Variants in MYO16 observed in about 807,000 individuals in gnomAD.
The protein encoded by MYO16 is myosin XVI.
MYO16 carries 94 observed loss-of-function variants against 205.3 expected under a neutral mutation model. The ratio of observed to expected loss-of-function variants is 0.46; its 90% CI spans 0.39 to 0.54. The LOEUF (loss-of-function observed/expected upper bound fraction) is 0.54. Ranked by LOEUF, MYO16 falls within the 20% of genes least tolerant of loss-of-function variation. MYO16 has a pLI of 0.00. For missense variants in MYO16, 2,315 were observed against 2,387.5 expected (o/e 0.97, Z 0.63); for synonymous variants, 988 against 954.0 (o/e 1.04, Z -0.66).
intron 4 of MYO16, among the ~76,000 whole-genome samples, chr13:108,730,268 A>G (rs1253042454): frequency 6.6e-6 from 1 of 151,996 alleles, no homozygotes; most frequent in African/African-American, 2.4e-5. Context: ...GGCTCTCATT[A>G]TTTCTCCTGC....
At chr13:109,144,363 T>C (rs1877234493) in intron 32 of MYO16, among the ~76,000 whole-genome samples, 1 of 152,152 alleles carries the variant, frequency 6.6e-6, no homozygotes. Context: ...AGTTTACAAG[T>C]TCGGATATCA....
intron 11 of MYO16, among the ~76,000 whole-genome samples, chr13:108,858,383 A>G (rs1259920119): frequency 6.6e-6 from 1 of 152,210 alleles, no homozygotes; most frequent in East Asian, 1.9e-4. Context: ...CTCAAAATTC[A>G]AATACCCGAA....
At chr13:109,052,524 A>T in intron 25 of MYO16, 49 bp downstream of exon 25, 1 of 1,392,048 alleles carries the variant, frequency 7.2e-7, no homozygotes. Context: ...TTTGATAAGT[A>T]TATTTGCTTC....
At chr13:108,686,593 C>A (rs1457756076) in intron 2 of MYO16, among the ~76,000 whole-genome samples, 2 of 152,062 alleles carry the variant, frequency 1.3e-5, no homozygotes, top group Non-Finnish European at 2.9e-5. Flanking sequence ...TTCAGAGTCA[C>A]AAAAAGAGAC....
At chr13:109,081,742 A>C (rs561398783) in intron 27 of MYO16, among the ~76,000 whole-genome samples, 1 of 152,332 alleles carries the variant, frequency 6.6e-6, no homozygotes, top group South Asian at 2.1e-4. Context: ...CAGTGGCATA[A>C]GAACAGGTGG....
chr13:108,864,481 A>G (rs1452687088), intron 11 of MYO16, among the ~76,000 whole-genome samples: 1 of 152,114 alleles, frequency 6.6e-6, no homozygotes, highest in East Asian at 1.9e-4. Flanking sequence ...CTATTTTAAA[A>G]TTGTATATTT....
At chr13:108,897,883 T>C in intron 14 of MYO16, 133 bp from the exon 15 acceptor site, 1 of 720,862 alleles carries the variant, frequency 1.4e-6, no homozygotes, top group East Asian at 2.6e-5. Flanking sequence ...TCTTAAAAAT[T>C]CAATATAGCA....
rs141620454 is a variant in MYO16 at position 108,894,566 on chromosome 13, G to A, written c.1660-3450G>A. ...AGATTCAGTTGGTAACATCTAGTAA[G>A]TGAGAGAGTGCAGCATTGAGGTCCA... On this transcript the variant is annotated intron_variant, in intron 14 of 34. Transcript: ENST00000457511. Among the ~76,000 whole-genome samples, 364 of 152,308 alleles carry A rather than the reference G, an allele frequency of 2.4e-3. 3 individuals are homozygous for A. Among genetic ancestry groups the A allele is most frequent in the African/African-American group, 8.2e-3 (340 of 41,564 alleles).
At chr13:108,560,826 C>G in the MYO16 span, among the ~76,000 whole-genome samples, 13 of 152,034 alleles carry the variant, frequency 8.6e-5, no homozygotes, top group Non-Finnish European at 1.8e-4. Context: ...ATAAAAATAA[C>G]CAAGTTTTAA....
intron 9 of MYO16, among the ~76,000 whole-genome samples, chr13:108,834,815 A>C (rs776627414): frequency 2.6e-5 from 4 of 151,982 alleles, no homozygotes; most frequent in Non-Finnish European, 5.9e-5. Flanking sequence ...AACAAATAGC[A>C]TTTTACTATG....
At chr13:108,656,112 G>A (rs1006883193) in intron 1 of MYO16, among the ~76,000 whole-genome samples, 1 of 152,080 alleles carries the variant, frequency 6.6e-6, no homozygotes, top group African/African-American at 2.4e-5. Flanking sequence ...GGGGCAGAAT[G>A]ATATGGTTTG....
At chr13:108,547,577 G>A in the MYO16 span, among the ~76,000 whole-genome samples, 16 of 152,160 alleles carry the variant, frequency 1.1e-4, no homozygotes, top group African/African-American at 3.9e-4. Flanking sequence ...TGGATATTTA[G>A]TTAAAATTTA....
intron 14 of MYO16, among the ~76,000 whole-genome samples, chr13:108,894,895 A>G (rs1484462853): frequency 6.6e-6 from 1 of 152,206 alleles, no homozygotes; most frequent in Non-Finnish European, 1.5e-5. Flanking sequence ...GGCATTTTCC[A>G]TGACATTAAA....
chr13:109,044,406 C>T (rs1453031482), intron 23 of MYO16, among the ~76,000 whole-genome samples: 2 of 152,080 alleles, frequency 1.3e-5, no homozygotes, highest in African/African-American at 4.8e-5. Context: ...CAGAAATACT[C>T]AAAGTCATGG....
chr13:108,799,953 T>C (rs1157554002), intron 6 of MYO16, among the ~76,000 whole-genome samples: 3 of 152,198 alleles, frequency 2.0e-5, no homozygotes, highest in East Asian at 1.9e-4. Flanking sequence ...AGATGGTATC[T>C]AGCTCTCTGA....
intron 1 of MYO16, among the ~76,000 whole-genome samples, chr13:108,644,231 C>T (rs1423466154): frequency 6.6e-6 from 1 of 152,134 alleles, no homozygotes; most frequent in Non-Finnish European, 1.5e-5. Flanking sequence ...AGGGATGCTC[C>T]CACAGTGTCA....
intron 12 of MYO16, among the ~76,000 whole-genome samples, chr13:108,882,624 T>C (rs1455346255): frequency 1.3e-5 from 2 of 152,216 alleles, no homozygotes; most frequent in Non-Finnish European, 2.9e-5. Flanking sequence ...TCTGAGAAAT[T>C]TGTAAACTTA....
At chr13:108,673,365 C>CTT (rs10709309) in intron 2 of MYO16, among the ~76,000 whole-genome samples, 1 of 134,802 alleles carries the variant, frequency 7.4e-6, no homozygotes, top group African/African-American at 2.7e-5. Context: ...GTTCTTCTTC[C>CTT]TTTTTTTTTT....
chr13:109,099,817 A>G (rs1888901256), intron 27 of MYO16, among the ~76,000 whole-genome samples: 1 of 151,966 alleles, frequency 6.6e-6, no homozygotes, highest in African/African-American at 2.4e-5. Context: ...TAGGCAAAAC[A>G]CTCCCTCCCT....
Sources: allele counts gnomAD v4.1 joint callset (sites outside exome capture counted in the v4.1 genomes callset), GRCh38; gene constraint gnomAD v4.1.1; transcripts MANE v1.5; gene names NCBI Gene and HGNC (gene_info 2026-07-23, HGNC 2026-07-21).